The following NHLRC2 variants were observed in gnomAD, a reference collection of about 807,000 sequenced individuals.
NHLRC2 encodes the protein NHL repeat containing 2, also known as NHL repeat-containing protein 2.
Under a neutral mutation model 68.1 loss-of-function variants are expected in NHLRC2, and 33 were observed. The ratio of observed to expected loss-of-function variants is 0.48; its 90% confidence interval spans 0.37 to 0.65. The LOEUF is 0.65. Ranked by LOEUF, NHLRC2 falls within the 30% of genes least tolerant of loss-of-function variation. The pLI is 0.00. For synonymous variants in NHLRC2, 311 were observed against 309.6 expected (o/e 1.00, Z -0.05); for missense variants, 761 against 853.8 (o/e 0.89, Z 1.35).
chr10:113,903,766 A>G, intron 9 of NHLRC2, 30 bp downstream of exon 9: 1 of 1,291,246 alleles, frequency 7.7e-7, no homozygotes, highest in Non-Finnish European at 1.1e-6. Context: ...AAGTTAAAGA[A>G]TGTGGTTTTA....
chr10:113,882,081 A>G lies in NHLRC2; in HGVS notation c.910-2170A>G, dbSNP rs915038396. Reference sequence around the variant, plus strand: ...GTGAATATATGACATTTTATCTACCAATTCACCATTGATATTTAGATTGTG... The same window carrying G: ...GTGAATATATGACATTTTATCTACCGATTCACCATTGATATTTAGATTGTG... On this transcript the variant is annotated intron_variant, in intron 4 of 10. Coordinates refer to ENST00000369301, the MANE Select transcript of NHLRC2 (RefSeq NM_198514.4). 2.6e-5 allele frequency among the ~76,000 whole-genome samples: 4 copies of G among 151,864 alleles called. No individual in the cohort carries two copies. In the South Asian group the frequency reaches 6.2e-4, roughly 24 times the overall value.
At chr10:113,904,661 CT>C (rs1466164562) in intron 9 of NHLRC2, among the ~76,000 whole-genome samples, 155 bp from the exon 10 acceptor site, 1 of 152,104 alleles carries the variant, frequency 6.6e-6, no homozygotes, top group African/African-American at 2.4e-5. Flanking sequence ...CGAAAATAAT[CT>C]TGAGGGCATC....
intron 2 of NHLRC2, among the ~76,000 whole-genome samples, chr10:113,874,436 ATGTGTTTGTG>A (rs1202694808): frequency 6.4e-5 from 7 of 108,552 alleles, no homozygotes; most frequent in South Asian, 3.5e-4. Flanking sequence ...CTTTCAAGGC[ATGTGTTTGTG>A]TGTGTGTGTG....
At chr10:113,864,949 T>C (rs1845850921) in intron 2 of NHLRC2, among the ~76,000 whole-genome samples, 1 of 149,968 alleles carries the variant, frequency 6.7e-6, no homozygotes, top group Admixed American at 6.7e-5. Context: ...AATCAGAGGT[T>C]TTTTGGTTTT....
chr10:113,868,510 TCTC>T (rs1845891460), intron 2 of NHLRC2, among the ~76,000 whole-genome samples: 2 of 152,226 alleles, frequency 1.3e-5, no homozygotes, highest in African/African-American at 4.8e-5. Context: ...TCAATATAGA[TCTC>T]CTATTTGGAC....
At chr10:113,885,407 C>G (rs1284294121) in intron 5 of NHLRC2, among the ~76,000 whole-genome samples, 1 of 151,800 alleles carries the variant, frequency 6.6e-6, no homozygotes, top group Non-Finnish European at 1.5e-5. Flanking sequence ...AGCAGTGCAT[C>G]CAACTAAAGG....
chr10:113,858,958 G>C (rs976683684), intron 2 of NHLRC2: 15 of 251,848 alleles, frequency 6.0e-5, no homozygotes, highest in African/African-American at 2.9e-4. Flanking sequence ...TATTTTAAAA[G>C]GTCTTTTTGT....
At position 113,914,820 on chromosome 10, in the gene NHLRC2, C is replaced by T. The variant is rs1846365547; in HGVS notation, c.*6284C>T. The T allele has an allele frequency of 8.8e-6, 3 of 340,332 alleles. No individual in the cohort carries two copies. The highest frequency in any genetic ancestry group is 2.3e-5 in the South Asian group (1 of 43,128). 21.1% of individuals were successfully genotyped at this position (340,332 alleles called of 1,614,324 possible). ...AATAATTAAGAGTTTGCTTTTTTCC[C>T]ATGTCTTTGCAATAGGATAATATAA... On this transcript the variant is annotated 3_prime_UTR_variant, in exon 11 of 11. Transcript: ENST00000369301.
chr10:113,900,843 T>G (rs568591666), intron 6 of NHLRC2, among the ~76,000 whole-genome samples: 1 of 152,162 alleles, frequency 6.6e-6, no homozygotes, highest in East Asian at 1.9e-4. Flanking sequence ...TTCAGACTTT[T>G]GCATGTTGTA....
intron 5 of NHLRC2, among the ~76,000 whole-genome samples, chr10:113,895,489 G>C (rs1846168308): frequency 6.6e-6 from 1 of 152,134 alleles, no homozygotes; most frequent in African/African-American, 2.4e-5. Context: ...TTAGATAAGG[G>C]GAGTAGGGAA....
At chr10:113,892,158 G>A (rs1184408436) in intron 5 of NHLRC2, among the ~76,000 whole-genome samples, 35 of 152,216 alleles carry the variant, frequency 2.3e-4, no homozygotes, top group Non-Finnish European at 1.3e-4. Context: ...TCTTAGGAGG[G>A]TTCTAGTCAT....
chr10:113,904,325 A>G (rs559572629), intron 9 of NHLRC2, among the ~76,000 whole-genome samples: 35 of 152,176 alleles, frequency 2.3e-4, no homozygotes, highest in Admixed American at 3.9e-4. Context: ...CTAACTCTTG[A>G]TGTATGACAT....
At chr10:113,884,520 ATTGTG>A (rs750819639) in intron 5 of NHLRC2, 140 bp downstream of exon 5, 26 of 541,358 alleles carry the variant, frequency 4.8e-5, no homozygotes, top group Non-Finnish European at 7.5e-5. Flanking sequence ...GAGTTTGTTA[ATTGTG>A]TAAAAACAAA....
intron 4 of NHLRC2, among the ~76,000 whole-genome samples, chr10:113,883,909 A>G (rs1048674753): frequency 2.6e-5 from 4 of 151,826 alleles, no homozygotes; most frequent in African/African-American, 4.8e-5. Flanking sequence ...ATGTGCATTT[A>G]ATTTTTAGAA....
Position 113,904,999 on chromosome 10 carries a change from T to C in NHLRC2, c.1887T>C (p.Thr629=), listed in dbSNP as rs200087826. Residue 629 remains threonine, a synonymous_variant, in exon 10 of 11, where the codon ACT becomes ACC. Transcript: ENST00000369301. ...ACCTCCCATCAGGATCAAAGCTAAC[T>C]GAAGGAGTATCCAGTTGCTGGTTTC... The part of the protein sequence containing the change: ...RLDLPSGSKL[T]EGVSSCWFLT... 6.5e-7 allele frequency: 1 copy of C among 1,541,860 alleles called. No homozygotes were observed. Among genetic ancestry groups the C allele is most frequent in the Non-Finnish European group, 8.7e-7 (1 of 1,148,536 alleles).
intron 2 of NHLRC2, among the ~76,000 whole-genome samples, chr10:113,871,466 C>T (rs891478811): frequency 6.6e-5 from 10 of 152,196 alleles, no homozygotes; most frequent in Admixed American, 2.0e-4. Flanking sequence ...TAATCCCCCA[C>T]GCCCCACCTC....
At chr10:113,864,586 A>G (rs1845845917) in intron 2 of NHLRC2, among the ~76,000 whole-genome samples, 1 of 151,446 alleles carries the variant, frequency 6.6e-6, no homozygotes, top group Non-Finnish European at 1.5e-5. Context: ...AATCCCAACT[A>G]CTAGGGAGGC....
chr10:113,896,152 A>C (rs1007328612), intron 5 of NHLRC2, among the ~76,000 whole-genome samples: 8 of 152,142 alleles, frequency 5.3e-5, no homozygotes, highest in African/African-American at 1.4e-4. Flanking sequence ...TTGACCCAGC[A>C]ATCCTATTAC....
At position 113,915,322 on chromosome 10, in the gene NHLRC2, C is replaced by T. The variant is rs773411297; in HGVS notation, c.*6786C>T. Reference sequence around the variant, plus strand: ...ACAAGCACAAATGAACACTAAATAGCCTTATACCAAAAAGCATTCTTGTAA... The same window carrying T: ...ACAAGCACAAATGAACACTAAATAGTCTTATACCAAAAAGCATTCTTGTAA... On this transcript the variant is annotated 3_prime_UTR_variant, in exon 11 of 11. Transcript: ENST00000369301. The T allele has an allele frequency of 2.3e-6, 1 of 426,934 alleles. No homozygotes were observed. The highest frequency in any genetic ancestry group is 4.7e-6 in the Non-Finnish European group (1 of 212,508). The allele number at this position is 426,934 out of a possible 1,614,324, so 26.4% of individuals were successfully genotyped here. A position where few individuals can be genotyped will look rare whatever the true frequency, so the allele number is the denominator to read the frequency against.
Sources: allele counts gnomAD v4.1 joint callset (sites outside exome capture counted in the v4.1 genomes callset), GRCh38; gene constraint gnomAD v4.1.1; transcripts MANE v1.5; gene names NCBI Gene and HGNC (gene_info 2026-07-23, HGNC 2026-07-21).